The following NLRP8 variants were observed in gnomAD, a reference collection of about 807,000 sequenced individuals.
NLRP8 encodes NACHT, LRR and PYD domains-containing protein 8.
A neutral mutation model predicts 88.7 loss-of-function variants in NLRP8; 86 were observed. The ratio of observed to expected loss-of-function variants is 0.97; its 90% CI spans 0.81 to 1.16. The LOEUF is 1.16. Among genes scored for constraint, NLRP8 ranks in the 50% most tolerant of loss-of-function variants. The pLI, the probability that NLRP8 is intolerant of heterozygous loss-of-function variation, is 0.00. For missense variants in NLRP8, 1,342 were observed against 1,286.5 expected, an observed-to-expected ratio of 1.04 and a Z score of -0.66; for synonymous variants, 504 against 494.6, an observed-to-expected ratio of 1.02 and a Z score of -0.25.
chr19:55,952,850 C>T (rs898451743), intron 2 of NLRP8, among the ~76,000 whole-genome samples: 1 of 152,010 alleles, frequency 6.6e-6, no homozygotes, highest in South Asian at 2.1e-4. Context: ...TGCTTGAACC[C>T]GGGAGGCGGA....
Position 55,974,982 on chromosome 19 carries a change from T to C in NLRP8, c.2706-1151T>C, listed in dbSNP as rs115016088. On this transcript the variant is annotated intron_variant, in intron 7 of 9. Transcript: ENST00000291971. Reference sequence around the variant, plus strand: ...TGCCAGTGTCTGTCCGAGATCACGGTGCTCCTGCTCTGTCACGAGGTAGTT... The same window carrying C: ...TGCCAGTGTCTGTCCGAGATCACGGCGCTCCTGCTCTGTCACGAGGTAGTT... Among the ~76,000 whole-genome samples the C allele has an allele frequency of 1.7e-3, 262 of 152,226 alleles. 1 individual carries two copies. Among genetic ancestry groups the C allele is most frequent in the African/African-American group, 5.9e-3 (247 of 41,564 alleles).
chr19:55,968,117 C>T (rs1019811127), intron 5 of NLRP8, among the ~76,000 whole-genome samples: 7 of 152,292 alleles, frequency 4.6e-5, no homozygotes, highest in African/African-American at 1.4e-4. Context: ...ACAAAATATT[C>T]GTTTAATAAT....
chr19:55,948,158 C>G lies in NLRP8; in HGVS notation c.256C>G (p.His86Asp), dbSNP rs752687742. Reference sequence around the variant, plus strand: ...GACAGCCAGCTGGGCAGAGGTGGTTCATCTCTTGATAGAGCGTTTCCCTGG... The same window carrying G: ...GACAGCCAGCTGGGCAGAGGTGGTTGATCTCTTGATAGAGCGTTTCCCTGG... The change falls in exon 1 of 10, where the codon CAT (histidine) becomes GAT (aspartate). Residue 86 changes from histidine (H) to aspartate (D), a missense_variant. Coordinates refer to ENST00000291971, the MANE Select transcript of NLRP8 (RefSeq NM_176811.2). 8 of 1,614,172 alleles carry G rather than the reference C, an allele frequency of 5.0e-6. No homozygotes were observed. In the Admixed American group the frequency reaches 1.3e-4, roughly 27 times the overall value.
chr19:55,985,628 A>G (rs1980772497), intron 9 of NLRP8, among the ~76,000 whole-genome samples: 2 of 152,248 alleles, frequency 1.3e-5, no homozygotes. Flanking sequence ...GAAAGACACT[A>G]CACTTTCTAA....
chr19:55,976,797 T>C (rs62130168), intron 8 of NLRP8, among the ~76,000 whole-genome samples: 7 of 150,994 alleles, frequency 4.6e-5, no homozygotes, highest in Non-Finnish European at 8.8e-5. Context: ...AAGATACATG[T>C]GGCCAGGCGC....
At chr19:55,957,554 C>T (rs889896799) in intron 3 of NLRP8, among the ~76,000 whole-genome samples, 4 of 151,276 alleles carry the variant, frequency 2.6e-5, no homozygotes, top group Middle Eastern at 3.4e-3. Context: ...GGCATGGTGG[C>T]GGGCACCTGT....
chr19:55,979,590 C>T, intron 9 of NLRP8, 26 bp downstream of exon 9: 1 of 1,612,744 alleles, frequency 6.2e-7, no homozygotes, highest in Non-Finnish European at 8.5e-7. Flanking sequence ...GTTTCCTGTG[C>T]AAAACCTACC....
intron 2 of NLRP8, among the ~76,000 whole-genome samples, chr19:55,953,256 A>G (rs938570442): frequency 6.6e-6 from 1 of 152,146 alleles, no homozygotes; most frequent in Non-Finnish European, 1.5e-5. Context: ...TCACCCCTGG[A>G]TGGGACCATC....
At chr19:55,948,402 A>G (rs146761144) in intron 1 of NLRP8, 133 bp downstream of exon 1, 11,134 of 930,724 alleles carry the variant, frequency 0.012, 111 homozygotes, top group Non-Finnish European at 0.015. Flanking sequence ...TAATGGATCT[A>G]ACCCAAAGGC....
rs1386547275 is a variant in NLRP8, at chr19:55,980,620, T to A, written c.3047+1056T>A. On this transcript the variant is annotated intron_variant, in intron 9 of 9. Transcript: ENST00000291971. ...CCTCAGTTGTTCTCCAGGGAGTTGC[T>A]CATGACATTGCAGCTGGCTTCCTCC... Among the ~76,000 whole-genome samples the A allele has an allele frequency of 3.3e-5, 5 of 152,120 alleles. 1 individual carries two copies. Among genetic ancestry groups the A allele is most frequent in the Non-Finnish European group, 5.9e-5 (4 of 68,012 alleles).
intron 1 of NLRP8, among the ~76,000 whole-genome samples, chr19:55,950,310 T>C (rs896911737): frequency 2.0e-5 from 3 of 150,228 alleles, no homozygotes; most frequent in Admixed American, 6.6e-5. Flanking sequence ...TCCCAGCTAT[T>C]CGGGAGGCTA....
chr19:55,953,186 G>T (rs986969730), intron 2 of NLRP8, among the ~76,000 whole-genome samples: 1 of 152,090 alleles, frequency 6.6e-6, no homozygotes, highest in Non-Finnish European at 1.5e-5. Flanking sequence ...AACTGTGCAT[G>T]CGAGGGATCT....
chr19:55,965,857 C>T (rs913506140), intron 4 of NLRP8, among the ~76,000 whole-genome samples: 1 of 147,468 alleles, frequency 6.8e-6, no homozygotes, highest in Non-Finnish European at 1.5e-5. Flanking sequence ...TCCCTGTGTC[C>T]ATGTGTTCTC....
intron 9 of NLRP8, among the ~76,000 whole-genome samples, chr19:55,983,847 A>G (rs1160336673): frequency 6.9e-6 from 1 of 145,356 alleles, no homozygotes; most frequent in Non-Finnish European, 1.5e-5. Context: ...AAAAAAAGAT[A>G]AAATTCAACA....
intron 9 of NLRP8, among the ~76,000 whole-genome samples, chr19:55,984,179 A>G (rs1980697197): frequency 6.6e-6 from 1 of 152,178 alleles, no homozygotes; most frequent in Non-Finnish European, 1.5e-5. Flanking sequence ...ATAGAACAAG[A>G]ACTGATAATC....
At chr19:55,950,016 C>T (rs373634653) in intron 1 of NLRP8, among the ~76,000 whole-genome samples, 8 of 151,994 alleles carry the variant, frequency 5.3e-5, no homozygotes, top group Non-Finnish European at 7.4e-5. Flanking sequence ...AGAGAGTCAC[C>T]GGAAAAGAAA....
At chr19:55,968,733 T>A (rs1320550374) in intron 5 of NLRP8, among the ~76,000 whole-genome samples, 1 of 152,150 alleles carries the variant, frequency 6.6e-6, no homozygotes, top group Non-Finnish European at 1.5e-5. Flanking sequence ...AGAGCAGGAC[T>A]CTGTCTCAAA....
chr19:55,976,213 T>A lies in NLRP8; in HGVS notation c.2786T>A (p.Leu929His), dbSNP rs758481874. 1 of 1,613,910 alleles carries A rather than the reference T, an allele frequency of 6.2e-7. No homozygotes were observed. The highest frequency in any genetic ancestry group is 8.5e-7 in the Non-Finnish European group (1 of 1,179,958). The stretch of plus-strand genomic sequence containing the variant: ...TGTAAAAATAAAACCCTGAAAAGTC[T>A]TGACCTAAGTTTTAATAGCCTGAAG... The change falls in exon 8 of 10, where the codon CTT becomes CAT. Residue 929 changes from leucine to histidine, a missense_variant. Transcript: ENST00000291971.
intron 3 of NLRP8, among the ~76,000 whole-genome samples, chr19:55,957,668 AATAATTATAT>A (rs1979416328): frequency 3.9e-5 from 3 of 77,890 alleles, no homozygotes; most frequent in African/African-American, 2.3e-4. Context: ...AAGAAAAAAT[AATAATTATAT>A]ATATATATAT....
Sources: allele counts gnomAD v4.1 joint callset (sites outside exome capture counted in the v4.1 genomes callset), GRCh38; gene constraint gnomAD v4.1.1; transcripts MANE v1.5; gene names NCBI Gene and HGNC (gene_info 2026-07-23, HGNC 2026-07-21).